Variants in TUBA8 observed in about 807,000 individuals in gnomAD.
TUBA8 encodes tubulin alpha-8 chain.
A neutral mutation model predicts 34.7 loss-of-function variants in TUBA8; 29 were observed. That is an observed-to-expected ratio of 0.84 (90% CI 0.62 to 1.14). The LOEUF (loss-of-function observed/expected upper bound fraction) is 1.14. TUBA8 is among the 50% of genes most tolerant of loss of function. The probability of loss-of-function intolerance (pLI) is 0.00; values close to 1 mark genes in which losing one functional copy is unlikely to be tolerated. For missense variants in TUBA8, 541 were observed against 599.2 expected, an observed-to-expected ratio of 0.90 and a Z score of 1.01; for synonymous variants, 226 against 231.2, an observed-to-expected ratio of 0.98 and a Z score of 0.21.
intron 2 of TUBA8, chr22:18,122,325 G>A (rs547852392): frequency 6.7e-4 from 103 of 154,498 alleles, no homozygotes; most frequent in Non-Finnish European, 9.1e-4. Flanking sequence ...GGCTCCTCAA[G>A]CCAGAGATGG....
chr22:18,125,986 C>T, intron 3 of TUBA8: 1 of 296,974 alleles, frequency 3.4e-6, no homozygotes, highest in East Asian at 9.1e-5. Flanking sequence ...CTCAGCATCC[C>T]AAGTAACTGG....
Position 18,124,506 on chromosome 22 carries a change from T to C in TUBA8, c.375+202T>C. ...TCCTCTGTGTTGGCATCATAGACTG[T>C]GTTCCAGGCTGAGGCCCTACTCATA... On this transcript the variant is annotated intron_variant, in intron 3 of 4. Coordinates refer to ENST00000330423, the MANE Select transcript of TUBA8 (RefSeq NM_018943.3). This position sits in a 1 kb window ranked among gnomAD's most constrained non-coding sequence, Gnocchi z 4.3. The C allele has an allele frequency of 1.6e-6, 1 of 610,742 alleles. No individual in the cohort carries two copies. The allele number at this position is 610,742 out of a possible 1,614,324, so 37.8% of individuals were successfully genotyped here. A position where few individuals can be genotyped will look rare whatever the true frequency, so the allele number is the denominator to read the frequency against.
intron 1 of TUBA8, chr22:18,112,018 A>G (rs1927828479): frequency 6.6e-6 from 1 of 152,062 alleles, no homozygotes. Context: ...AATATTAGGG[A>G]GGGTGGCCAC....
Position 18,131,344 on chromosome 22 carries a change from G to A in TUBA8, c.*208G>A, listed in dbSNP as rs1928508608. The A allele has an allele frequency of 1.7e-6, 1 of 588,914 alleles. No individual in the cohort carries two copies. The highest frequency in any genetic ancestry group is 1.9e-5 in the African/African-American group (1 of 53,746). 36.5% of individuals were successfully genotyped at this position (588,914 alleles called of 1,614,324 possible). On this transcript the variant is annotated 3_prime_UTR_variant, in exon 5 of 5. Coordinates refer to ENST00000330423, the MANE Select transcript of TUBA8 (RefSeq NM_018943.3). This position sits in a 1 kb window ranked among gnomAD's most constrained non-coding sequence, Gnocchi z 5.3. ...CCTCCCTGGGTAGGAGCAGCTTTGT[G>A]TCACTAAAGAAAGTGAGGGCCACTG...
At chr22:18,127,593 CCGT>C (rs1392390933) in intron 4 of TUBA8, 1 of 152,466 alleles carries the variant, frequency 6.6e-6, no homozygotes. Flanking sequence ...TGGGGTTTCA[CCGT>C]GTTAGCCAGG....
chr22:18,123,958 C>T, intron 2 of TUBA8, 198 bp from the exon 3 acceptor site: 2 of 641,032 alleles, frequency 3.1e-6, no homozygotes, highest in Non-Finnish European at 5.5e-6. Context: ...ACATGAGCCA[C>T]AGGCCTTGGC....
chr22:18,130,802 G>T (rs770861946), intron 4 of TUBA8, 41 bp from the exon 5 acceptor site: 11 of 1,612,322 alleles, frequency 6.8e-6, no homozygotes, highest in Non-Finnish European at 7.6e-6. Flanking sequence ...TGGCTGACTT[G>T]TATCTTCTTC....
rs371735188 is a variant in TUBA8, at chr22:18,126,640, G to A, written c.662G>A (p.Arg221His). ...DICRRNLDIE[R>H]PTYTNLNRLI... is the part of the protein sequence containing the mutation. The stretch of plus-strand genomic sequence containing the variant: ...TGCCGCAGGAACCTTGACATTGAGC[G>A]CCCTACCTATACCAACCTCAACCGC... Residue 221 changes from arginine (R) to histidine (H), a missense_variant, in exon 4 of 5, where the codon CGC becomes CAC. Transcript: ENST00000330423. The surrounding 1 kb of genome is among the most constrained non-coding windows in gnomAD (Gnocchi z 4.0). 8.1e-6 allele frequency: 13 copies of A among 1,613,908 alleles called. No homozygotes were observed. Among genetic ancestry groups the A allele is most frequent in the South Asian group, 6.6e-5 (6 of 91,052 alleles).
Position 18,126,442 on chromosome 22 carries a change from A to G in TUBA8, c.464A>G (p.Glu155Gly). The change falls in exon 4 of 5, where the codon GAA becomes GGA. Residue 155 changes from glutamate to glycine, a missense_variant. Glu to Gly is a moderately conservative substitution (Grantham distance 98). Coordinates refer to ENST00000330423, the MANE Select transcript of TUBA8 (RefSeq NM_018943.3). This position sits in a 1 kb window ranked among gnomAD's most constrained non-coding sequence, Gnocchi z 4.0. ...TCCGGCTTCACTTCTCTGCTGATGG[A>G]ACGCCTCTCCCTGGATTATGGCAAG... ...TGSGFTSLLM[E>G]RLSLDYGKKS... 6 of 1,613,844 alleles carry G rather than the reference A, an allele frequency of 3.7e-6. No individual in the cohort carries two copies. The highest frequency in any genetic ancestry group is 5.1e-6 in the Non-Finnish European group (6 of 1,179,946).
chr22:18,110,865 G>A lies in TUBA8; in HGVS notation c.-1G>A, dbSNP rs1602485893. The A allele has an allele frequency of 1.9e-6, 3 of 1,547,520 alleles. No individual in the cohort carries two copies. In the East Asian group the frequency reaches 7.1e-5, roughly 37 times the overall value. On this transcript the variant is annotated 5_prime_UTR_variant, in exon 1 of 5. Transcript: ENST00000330423. This position sits in a 1 kb window ranked among gnomAD's most constrained non-coding sequence, Gnocchi z 6.2. ...GTGCGCGGGCGAGGACAGCGGCAGC[G>A]ATGGTGAGGCTTCCCGGGGCCAGGC...
chr22:18,123,880 C>T (rs994756783), intron 2 of TUBA8: 2 of 449,194 alleles, frequency 4.5e-6, no homozygotes, highest in South Asian at 2.1e-5. Context: ...CGGCGATGTT[C>T]GATGAGCTTT....
chr22:18,113,339 G>A (rs1927867697), intron 1 of TUBA8: 1 of 152,274 alleles, frequency 6.6e-6, no homozygotes, highest in African/African-American at 2.4e-5. Flanking sequence ...TCCCACAGCA[G>A]ACCATTCCCA....
chr22:18,121,348 C>T lies in TUBA8; in HGVS notation c.4-131C>T, dbSNP rs1342803939. The T allele has an allele frequency of 4.0e-6, 3 of 757,090 alleles. No homozygotes were observed. Among genetic ancestry groups the T allele is most frequent in the Admixed American group, 2.0e-5 (1 of 50,242 alleles). The allele number at this position is 757,090 out of a possible 1,614,324, so 46.9% of individuals were successfully genotyped here. On this transcript the variant is annotated intron_variant, in intron 1 of 4. Coordinates refer to ENST00000330423, the MANE Select transcript of TUBA8 (RefSeq NM_018943.3). The surrounding 1 kb of genome is among the most constrained non-coding windows in gnomAD (Gnocchi z 4.8). ...AGCTGCTATAGAGCTGGGGCACCTGCAGCCTCAACGCCAACTGGCAATGGG... is the reference window on the plus strand; with the variant it reads ...AGCTGCTATAGAGCTGGGGCACCTGTAGCCTCAACGCCAACTGGCAATGGG...
At position 18,131,582 on chromosome 22, in the gene TUBA8, T is replaced by C; in HGVS notation, c.*446T>C. 2.9e-5 allele frequency: 7 copies of C among 238,642 alleles called. No homozygotes were observed. The highest frequency in any genetic ancestry group is 1.8e-4 in the South Asian group (3 of 16,550). The allele number at this position is 238,642 out of a possible 1,614,324, so 14.8% of individuals were successfully genotyped here. On this transcript the variant is annotated 3_prime_UTR_variant, in exon 5 of 5. Coordinates refer to ENST00000330423, the MANE Select transcript of TUBA8 (RefSeq NM_018943.3). The surrounding 1 kb of genome is among the most constrained non-coding windows in gnomAD (Gnocchi z 5.3). The stretch of plus-strand genomic sequence containing the variant: ...GTGGGTCTATAGCCCGCTCCGGGCA[T>C]CATCTAGACTTAGCATGCATTCACT...
intron 1 of TUBA8, chr22:18,114,411 G>A (rs970756019): frequency 6.6e-6 from 1 of 152,186 alleles, no homozygotes; most frequent in African/African-American, 2.4e-5. Context: ...CCTCTCGCGA[G>A]CCACCTTCAC....
At chr22:18,125,919 T>C in intron 3 of TUBA8, 1 of 242,566 alleles carries the variant, frequency 4.1e-6, no homozygotes, top group Non-Finnish European at 8.1e-6. Context: ...CAGAGTGCAG[T>C]GGTGTGATCA....
rs1456422356 is a variant in TUBA8, at chr22:18,131,495, G to C, written c.*359G>C. 2 of 329,956 alleles carry C rather than the reference G, an allele frequency of 6.1e-6. No homozygotes were observed. Among genetic ancestry groups the C allele is most frequent in the African/African-American group, 4.3e-5 (2 of 46,844 alleles). 20.4% of individuals were successfully genotyped at this position (329,956 alleles called of 1,614,324 possible). On this transcript the variant is annotated 3_prime_UTR_variant, in exon 5 of 5. Coordinates refer to ENST00000330423, the MANE Select transcript of TUBA8 (RefSeq NM_018943.3). The surrounding 1 kb of genome is among the most constrained non-coding windows in gnomAD (Gnocchi z 5.3). Reference sequence around the variant, plus strand: ...GCTGGCTGGGGAGTGGGAACACTCAGAGAAAGGGGAGATCTGGGCCTGGGA... The same window carrying C: ...GCTGGCTGGGGAGTGGGAACACTCACAGAAAGGGGAGATCTGGGCCTGGGA...
chr22:18,116,820 T>A (rs1344746735), intron 1 of TUBA8: 1 of 152,260 alleles, frequency 6.6e-6, no homozygotes, highest in Non-Finnish European at 1.5e-5. Flanking sequence ...GGGAGCTCGA[T>A]GCGGGAGCTG....
Position 18,111,027 on chromosome 22 carries a change from C to A in TUBA8, c.3+159C>A. The A allele has an allele frequency of 1.9e-6, 2 of 1,061,522 alleles. No individual in the cohort carries two copies. Among genetic ancestry groups the A allele is most frequent in the Non-Finnish European group, 2.8e-6 (2 of 726,216 alleles). The allele number at this position is 1,061,522 out of a possible 1,614,324, so 65.8% of individuals were successfully genotyped here. ...GGGTCGAGGAGTCCGCACCCTCGGG[C>A]GGGAACACCCGGTGCCCTTTATCGT... is the stretch of plus-strand genomic sequence containing the variant. On this transcript the variant is annotated intron_variant, in intron 1 of 4. Coordinates refer to ENST00000330423, the MANE Select transcript of TUBA8 (RefSeq NM_018943.3). The surrounding 1 kb of genome is among the most constrained non-coding windows in gnomAD (Gnocchi z 5.1).
Sources: gnomAD v4.1 joint callset for allele counts on GRCh38, gnomAD v4.1.1 for gene constraint, Gnocchi (gnomAD v3.1) non-coding constraint, MANE v1.5 for transcripts, NCBI Gene and HGNC (gene_info 2026-07-23, HGNC 2026-07-21) for gene names.